ELP2: variants seen among roughly 807,000 people sequenced by gnomAD.
ELP2 encodes the protein elongator complex protein 2.
ELP2 carries 90 observed loss-of-function variants against 119.2 expected under a neutral mutation model. That is an observed-to-expected ratio of 0.75 (90% CI 0.64 to 0.90). ELP2 has a LOEUF of 0.90. ELP2 is among the 40% of genes least tolerant of loss of function. ELP2 has a pLI of 0.00. For missense variants in ELP2, 921 were observed against 967.8 expected (o/e 0.95, Z 0.64); for synonymous variants, 339 against 331.0 (o/e 1.02, Z -0.26).
chr18:36,168,399 A>C (rs2090968278), intron 19 of ELP2, among the ~76,000 whole-genome samples: 1 of 152,180 alleles, frequency 6.6e-6, no homozygotes, highest in Non-Finnish European at 1.5e-5. Context: ...ACTGCCTGAG[A>C]CTGGGTAATT....
At chr18:36,143,176 A>C (rs1375775827) in intron 8 of ELP2, among the ~76,000 whole-genome samples, 1 of 151,576 alleles carries the variant, frequency 6.6e-6, no homozygotes, top group Non-Finnish European at 1.5e-5. Flanking sequence ...GCTCACTGCA[A>C]CCTCCGTCTC....
intron 3 of ELP2, among the ~76,000 whole-genome samples, chr18:36,137,918 G>A (rs532447593): frequency 5.9e-5 from 9 of 151,858 alleles, no homozygotes; most frequent in Admixed American, 2.0e-4. Context: ...GAAATGATGT[G>A]CCTCCTGATG....
chr18:36,169,880 C>A (rs2091025115), intron 19 of ELP2, 183 bp from the exon 20 acceptor site: 2 of 730,850 alleles, frequency 2.7e-6, no homozygotes, highest in Non-Finnish European at 4.7e-6. Flanking sequence ...GTCTGCTGTA[C>A]CGTGCCTTCT....
chr18:36,158,786 A>T, intron 13 of ELP2, 49 bp from the exon 14 acceptor site: 1 of 1,312,752 alleles, frequency 7.6e-7, no homozygotes, highest in Non-Finnish European at 1.1e-6. Context: ...TAAAATTAGC[A>T]AATAAAACTT....
intron 11 of ELP2, among the ~76,000 whole-genome samples, chr18:36,152,206 AAAAC>A (rs1221247814): frequency 6.6e-6 from 1 of 151,868 alleles, no homozygotes; most frequent in East Asian, 1.9e-4. Flanking sequence ...CAAAAAAAAA[AAAAC>A]AACAAAGATC....
At chr18:36,167,553 A>G (rs1298007601) in intron 19 of ELP2, among the ~76,000 whole-genome samples, 3 of 152,196 alleles carry the variant, frequency 2.0e-5, no homozygotes, top group Admixed American at 2.0e-4. Context: ...AATAAGGGAA[A>G]AACTATTTTC....
intron 2 of ELP2, among the ~76,000 whole-genome samples, chr18:36,135,181 C>T (rs1008591838): frequency 6.6e-6 from 1 of 152,032 alleles, no homozygotes; most frequent in African/African-American, 2.4e-5. Flanking sequence ...TTTTATCTTC[C>T]GTTTAAAAGT....
chr18:36,167,211 C>T lies in ELP2; in HGVS notation c.2065C>T (p.Arg689Ter), dbSNP rs747702718. 6.9e-6 allele frequency: 11 copies of T among 1,585,916 alleles called. No homozygotes were observed. Among genetic ancestry groups the T allele is most frequent in the East Asian group, 4.5e-5 (2 of 44,164 alleles). ...PDSKYFFTGS[R>*]DKKVVVWGEC... ...CAGCAAGTATTTCTTCACTGGGAGT[C>T]GAGACAAAAAGGTAATTATTTAAAA... The change falls in exon 19 of 22, where the codon CGA becomes TGA. Residue 689 changes from arginine to a stop codon, truncating the protein, a stop_gained. Transcript: ENST00000358232. LOFTEE classifies it high-confidence loss of function.
intron 19 of ELP2, 168 bp from the exon 20 acceptor site, chr18:36,169,895 G>A: frequency 1.1e-6 from 1 of 871,620 alleles, no homozygotes; most frequent in Non-Finnish European, 1.8e-6. Flanking sequence ...CCTTCTTTCT[G>A]ATGCTTGAAA....
Position 36,164,611 on chromosome 18 carries a change from C to G in ELP2, c.1898C>G (p.Ser633Cys). Residue 633 changes from serine to cysteine, a missense_variant, in exon 18 of 22, where the codon TCC (serine) becomes TGC (cysteine). Coordinates refer to ENST00000358232, the MANE Select transcript of ELP2 (RefSeq NM_018255.4). Reference sequence around the variant, plus strand: ...AATGAGAAGTTCTTACTAGCTGTTTCCAGAGATCGAACCTGGTCATTGTGG... The same window carrying G: ...AATGAGAAGTTCTTACTAGCTGTTTGCAGAGATCGAACCTGGTCATTGTGG... ...SPNEKFLLAV[S>C]RDRTWSLWKK... The G allele has an allele frequency of 6.2e-7, 1 of 1,614,060 alleles. No homozygotes were observed. The highest frequency in any genetic ancestry group is 8.5e-7 in the Non-Finnish European group (1 of 1,179,994).
intron 2 of ELP2, among the ~76,000 whole-genome samples, chr18:36,135,800 A>G (rs1379252967): frequency 1.3e-5 from 2 of 152,180 alleles, no homozygotes; most frequent in African/African-American, 4.8e-5. Context: ...AGTGCTGGGT[A>G]CTGTCATTGT....
chr18:36,136,242 T>C, intron 2 of ELP2, 65 bp from the exon 3 acceptor site: 1 of 1,256,990 alleles, frequency 8.0e-7, no homozygotes, highest in Non-Finnish European at 1.2e-6. Context: ...TGGTGTAGCT[T>C]GGAAATTTTT....
At position 36,142,963 on chromosome 18, in the gene ELP2, G is replaced by A; in HGVS notation, c.793G>A (p.Glu265Lys). The A allele has an allele frequency of 6.3e-7, 1 of 1,584,408 alleles. No individual in the cohort carries two copies. Residue 265 changes from glutamate to lysine, a missense_variant, in exon 8 of 22, where the codon GAA (glutamate) becomes AAA (lysine). Transcript: ENST00000358232. ...LKENTFTIEN[E>K]SVKIAFAVTL... ...AGAAAATACTTTTACCATAGAAAAT[G>A]AAAGTGAGTAATAATGAAAATATCC...
rs1026987087 is a variant in ELP2, at chr18:36,177,872, A to G, written c.*3231A>G. The G allele has an allele frequency of 6.6e-6, 1 of 152,216 alleles. No individual in the cohort carries two copies. Among genetic ancestry groups the G allele is most frequent in the African/African-American group, 2.4e-5 (1 of 41,444 alleles). The allele number at this position is 152,216 out of a possible 1,614,324, so 9.4% of individuals were successfully genotyped here. On this transcript the variant is annotated 3_prime_UTR_variant, in exon 22 of 22. Transcript: ENST00000358232. ...GGGTCTGGCTCATAGCATTTCACAA[A>G]CATTATACTTCAGAGTCCCAAAGCC...
intron 11 of ELP2, among the ~76,000 whole-genome samples, chr18:36,151,135 G>A (rs1242118039): frequency 6.6e-6 from 1 of 150,586 alleles, no homozygotes. Context: ...CTCAGGCTGG[G>A]GTACAGTTGT....
At chr18:36,161,619 T>C (rs1049338569) in intron 17 of ELP2, among the ~76,000 whole-genome samples, 1 of 152,218 alleles carries the variant, frequency 6.6e-6, no homozygotes, top group Non-Finnish European at 1.5e-5. Flanking sequence ...TGGAATGATA[T>C]AGCAATTGTG....
intron 17 of ELP2, among the ~76,000 whole-genome samples, chr18:36,163,275 G>GTGTGTGTGTGTGTGT (rs1555644860): frequency 0.046 from 6,738 of 145,370 alleles, 176 homozygotes; most frequent in Middle Eastern, 0.067. Flanking sequence ...GTTCATGGGG[G>GTGTGTGTGTGTGTGT]GTGTGTGTGT....
chr18:36,136,384 G>A lies in ELP2; in HGVS notation c.288+7G>A, dbSNP rs1172122387. 6.3e-7 allele frequency: 1 copy of A among 1,595,860 alleles called. No individual in the cohort carries two copies. Among genetic ancestry groups the A allele is most frequent in the South Asian group, 1.1e-5 (1 of 90,766 alleles). On this transcript the variant is annotated splice_region_variant and intron_variant, in intron 3 of 21. Coordinates refer to ENST00000358232, the MANE Select transcript of ELP2 (RefSeq NM_018255.4). Reference sequence around the variant, plus strand: ...GGAAATAGAGGATAATCAGGTGAGTGGACATGTTTATAATCAAGAAATGAC... The same window carrying A: ...GGAAATAGAGGATAATCAGGTGAGTAGACATGTTTATAATCAAGAAATGAC...
intron 19 of ELP2, 45 bp from the exon 20 acceptor site, chr18:36,170,018 C>G: frequency 6.2e-7 from 1 of 1,613,834 alleles, no homozygotes; most frequent in Non-Finnish European, 8.5e-7. Context: ...TGGCTAGAAA[C>G]CTTGCAAAGA....
Sources: allele counts gnomAD v4.1 joint callset (sites outside exome capture counted in the v4.1 genomes callset), GRCh38; gene constraint gnomAD v4.1.1; transcripts MANE v1.5; gene names NCBI Gene and HGNC (gene_info 2026-07-23, HGNC 2026-07-21).